Variants in SMAD3 observed in about 807,000 individuals in gnomAD.
SMAD3 encodes the protein SMAD family member 3, also known as MAD homolog 3.
SMAD3 carries 12 observed loss-of-function variants against 51.8 expected under a neutral mutation model. The ratio of observed to expected loss-of-function variants is 0.23; its 90% CI spans 0.15 to 0.38. The LOEUF (loss-of-function observed/expected upper bound fraction) is 0.38, where lower values mean the gene tolerates loss of function less well. Ranked by LOEUF, SMAD3 falls within the 10% of genes least tolerant of loss-of-function variation. The pLI, the probability that SMAD3 is intolerant of heterozygous loss-of-function variation, is 1.00. For synonymous variants in SMAD3, 238 were observed against 227.7 expected, an observed-to-expected ratio of 1.05 and a Z score of -0.41; for missense variants, 294 against 565.6, an observed-to-expected ratio of 0.52 and a Z score of 4.87.
At chr15:67,183,743 C>T (rs542228461) in intron 6 of SMAD3, among the ~76,000 whole-genome samples, 20 of 152,274 alleles carry the variant, frequency 1.3e-4, no homozygotes, top group Middle Eastern at 3.4e-3. Context: ...TCAGAGTTTA[C>T]GCAACTGTTT....
At chr15:67,138,969 C>G (rs748010151) in intron 1 of SMAD3, among the ~76,000 whole-genome samples, 2 of 152,214 alleles carry the variant, frequency 1.3e-5, no homozygotes, top group Admixed American at 1.3e-4. Context: ...CACTTCAAAG[C>G]AAAAGCCCTT....
intron 1 of SMAD3, among the ~76,000 whole-genome samples, chr15:67,121,089 T>G (rs755061620): frequency 2.0e-5 from 3 of 152,214 alleles, no homozygotes; most frequent in Non-Finnish European, 4.4e-5. Flanking sequence ...AACATAATAA[T>G]ATGTAAGAAT....
chr15:67,182,998 A>ATAT (rs1444218521), intron 6 of SMAD3, among the ~76,000 whole-genome samples: 36 of 48,984 alleles, frequency 7.3e-4, no homozygotes, highest in Non-Finnish European at 9.8e-4. Context: ...AAAAAAAAAA[A>ATAT]AAATATATAT....
In SMAD3 at chr15:67,165,045, G is replaced by C; in HGVS notation, c.357G>C (p.Glu119Asp). ...TCGCCTTCAATATGAAGAAGGACGA[G>C]GTCTGCGTGAATCCCTACCACTACC... ...CEFAFNMKKD[E>D]VCVNPYHYQR... The change falls in exon 2 of 9, where the codon GAG becomes GAC. Residue 119 changes from glutamate (E) to aspartate (D), a missense_variant. By Grantham distance (45) the Glu-to-Asp change is conservative (BLOSUM62 2). Around this residue, in one of 3 missense-constraint regions of SMAD3, gnomAD observed 147 missense variants for 260.9 expected, o/e 0.56. Transcript: ENST00000327367. 1 of 1,614,198 alleles carries C rather than the reference G, an allele frequency of 6.2e-7. No individual in the cohort carries two copies. The highest frequency in any genetic ancestry group is 1.1e-5 in the South Asian group (1 of 91,088).
At chr15:67,099,190 T>G (rs1242115014) in intron 1 of SMAD3, among the ~76,000 whole-genome samples, 1 of 152,234 alleles carries the variant, frequency 6.6e-6, no homozygotes, top group Non-Finnish European at 1.5e-5. Flanking sequence ...GGATAAGGAC[T>G]AAGGACTTCT....
chr15:67,192,289 C>T lies in SMAD3; in HGVS notation c.*1753C>T, dbSNP rs938300056. The T allele has an allele frequency of 8.6e-6, 2 of 232,818 alleles. No individual in the cohort carries two copies. The highest frequency in any genetic ancestry group is 1.1e-4 in the Admixed American group (2 of 17,726). 14.4% of individuals were successfully genotyped at this position (232,818 alleles called of 1,614,324 possible). On this transcript the variant is annotated 3_prime_UTR_variant, in exon 9 of 9. Coordinates refer to ENST00000327367, the MANE Select transcript of SMAD3 (RefSeq NM_005902.4). Reference sequence around the variant, plus strand: ...AGGTTTCCAGGTAGGACAGCTGCTCCCCAAGCCTCCTGAGGACACAGGAAG... The same window carrying T: ...AGGTTTCCAGGTAGGACAGCTGCTCTCCAAGCCTCCTGAGGACACAGGAAG...
chr15:67,124,465 A>G (rs1040712066), intron 1 of SMAD3, among the ~76,000 whole-genome samples: 3 of 151,798 alleles, frequency 2.0e-5, no homozygotes, highest in East Asian at 1.9e-4. Context: ...AAAAAAATCT[A>G]TTATCTTTAG....
intron 5 of SMAD3, among the ~76,000 whole-genome samples, chr15:67,173,021 C>T (rs1962793393): frequency 6.6e-6 from 1 of 152,136 alleles, no homozygotes; most frequent in South Asian, 2.1e-4. Context: ...CAGACATAGC[C>T]ATCGAGGGGC....
chr15:67,150,329 C>T (rs1309712455), intron 1 of SMAD3, among the ~76,000 whole-genome samples: 5 of 152,182 alleles, frequency 3.3e-5, no homozygotes, highest in East Asian at 1.9e-4. Context: ...CTCTCCCCAA[C>T]CCCCGCCCCC....
chr15:67,143,504 A>C, intron 1 of SMAD3, among the ~76,000 whole-genome samples: 1 of 152,212 alleles, frequency 6.6e-6, no homozygotes, highest in East Asian at 1.9e-4. Context: ...GCCTGATCTC[A>C]GCTCACTGGA....
At chr15:67,143,120 T>A (rs1398957833) in intron 1 of SMAD3, 1 of 196,666 alleles carries the variant, frequency 5.1e-6, no homozygotes, top group East Asian at 1.6e-4. Context: ...ATAGTTGTTA[T>A]GAGCATGTCA....
chr15:67,135,282 G>A (rs776713222), intron 1 of SMAD3, among the ~76,000 whole-genome samples: 8 of 152,158 alleles, frequency 5.3e-5, no homozygotes, highest in Non-Finnish European at 1.2e-4. Flanking sequence ...CTCACCCTGG[G>A]TCCCAGCCTG....
At chr15:67,103,758 G>T (rs1339399161) in intron 1 of SMAD3, among the ~76,000 whole-genome samples, 1 of 152,176 alleles carries the variant, frequency 6.6e-6, no homozygotes, top group East Asian at 1.9e-4. Flanking sequence ...CAATGAGGAG[G>T]GTTTCCTCCA....
chr15:67,135,090 CTGGCCTGGTTT>C (rs1330442121), intron 1 of SMAD3, among the ~76,000 whole-genome samples: 2 of 152,122 alleles, frequency 1.3e-5, no homozygotes, highest in African/African-American at 4.8e-5. Context: ...AGGGACAGAG[CTGGCCTGGTTT>C]TGGAGCCACA....
At chr15:67,078,303 C>T (rs1286410403) in intron 1 of SMAD3, among the ~76,000 whole-genome samples, 2 of 152,190 alleles carry the variant, frequency 1.3e-5, no homozygotes, top group Non-Finnish European at 2.9e-5. Context: ...AATTAGATCT[C>T]GGCCTCTGCT....
intron 1 of SMAD3, among the ~76,000 whole-genome samples, chr15:67,158,993 T>A (rs904120710): frequency 5.3e-5 from 8 of 152,116 alleles, no homozygotes; most frequent in East Asian, 1.9e-4. Context: ...TCTCTTTTTT[T>A]AAAAAAATTG....
Position 67,181,260 on chromosome 15 carries a change from C to T in SMAD3, c.678C>T (p.Tyr226=), listed in dbSNP as rs894595927. 6.2e-7 allele frequency: 1 copy of T among 1,613,082 alleles called. No individual in the cohort carries two copies. The highest frequency in any genetic ancestry group is 1.3e-5 in the African/African-American group (1 of 75,010). The change falls in exon 6 of 9, where the codon TAC becomes TAT. Residue 226 remains tyrosine (Y), a synonymous_variant. Transcript: ENST00000327367. ...CCACAGACCTGCAGCCAGTTACCTA[C>T]TGCGAGCCGGCCTTCTGGTGCTCCA... ...HNNLDLQPVT[Y]CEPAFWCSIS... is the part of the protein sequence containing the mutation.
intron 6 of SMAD3, among the ~76,000 whole-genome samples, chr15:67,183,000 A>AAAAAAT (rs61323717): frequency 9.2e-5 from 4 of 43,648 alleles, no homozygotes; most frequent in South Asian, 1.1e-3. Flanking sequence ...AAAAAAAAAA[A>AAAAAAT]ATATATATAT....
At chr15:67,109,625 A>T (rs1263012278) in intron 1 of SMAD3, among the ~76,000 whole-genome samples, 2 of 152,220 alleles carry the variant, frequency 1.3e-5, no homozygotes, top group Admixed American at 6.5e-5. Flanking sequence ...CCATGGAATA[A>T]TTAAAACACA....
Sources: allele counts gnomAD v4.1 joint callset (sites outside exome capture counted in the v4.1 genomes callset), GRCh38; gene constraint gnomAD v4.1.1; regional missense constraint gnomAD v4.1.1; transcripts MANE v1.5; gene names NCBI Gene and HGNC (gene_info 2026-07-23, HGNC 2026-07-21).